DLG2: variants seen among roughly 807,000 people sequenced by gnomAD.
DLG2 encodes the protein disks large homolog 2.
A neutral mutation model predicts 132.5 loss-of-function variants in DLG2; 45 were observed. The ratio of observed to expected loss-of-function variants is 0.34; its 90% CI spans 0.27 to 0.44. DLG2 has a LOEUF of 0.44. Among genes scored for constraint, DLG2 ranks in the 20% least tolerant of loss-of-function variants. The pLI is 1.00. For synonymous variants in DLG2, 424 were observed against 419.6 expected, an observed-to-expected ratio of 1.01 and a Z score of -0.13; for missense variants, 1,045 against 1,196.9, an observed-to-expected ratio of 0.87 and a Z score of 1.87.
intron 3 of DLG2, among the ~76,000 whole-genome samples, chr11:85,366,170 A>C (rs2152908079): frequency 6.6e-6 from 1 of 152,284 alleles, no homozygotes; most frequent in South Asian, 2.1e-4. Context: ...AATTCTAAGA[A>C]AGGCACATTT....
At chr11:84,487,507 T>C (rs1031483115) in intron 7 of DLG2, among the ~76,000 whole-genome samples, 5 of 152,220 alleles carry the variant, frequency 3.3e-5, no homozygotes, top group African/African-American at 1.2e-4. Flanking sequence ...AGTTCTAAAA[T>C]AATATAAAGT....
chr11:85,405,373 T>G (rs2088624712), intron 3 of DLG2, among the ~76,000 whole-genome samples: 1 of 152,024 alleles, frequency 6.6e-6, no homozygotes, highest in Non-Finnish European at 1.5e-5. Context: ...TTCTGTGAGT[T>G]ATTTGTTTAA....
chr11:85,164,608 T>G (rs1357469140), intron 4 of DLG2, among the ~76,000 whole-genome samples: 2 of 152,174 alleles, frequency 1.3e-5, no homozygotes, highest in African/African-American at 2.4e-5. Context: ...AATCTATTTC[T>G]GACTTTCTCC....
Position 84,624,051 on chromosome 11 carries a change from C to G in DLG2, c.358-89320G>C, listed in dbSNP as rs779625889. ...TGCTTACTAGAATAATGAACCATAACAGAAAATCTTTGAATAATGTAGGAT... is the reference window on the plus strand; with the variant it reads ...TGCTTACTAGAATAATGAACCATAAGAGAAAATCTTTGAATAATGTAGGAT... On this transcript the variant is annotated intron_variant, in intron 6 of 27. Coordinates refer to ENST00000376104, the MANE Select transcript of DLG2 (RefSeq NM_001142699.3). 2.0e-5 allele frequency among the ~76,000 whole-genome samples: 3 copies of G among 152,258 alleles called. No individual in the cohort carries two copies. In the South Asian group the frequency reaches 6.2e-4, roughly 32 times the overall value.
At chr11:85,607,847 TG>T (rs1359493886) in intron 2 of DLG2, among the ~76,000 whole-genome samples, 1 of 152,218 alleles carries the variant, frequency 6.6e-6, no homozygotes, top group Non-Finnish European at 1.5e-5. Flanking sequence ...CCTCAGGGTA[TG>T]GCCCTCCACT....
At chr11:85,580,330 T>C (rs2153228726) in intron 3 of DLG2, among the ~76,000 whole-genome samples, 1 of 152,324 alleles carries the variant, frequency 6.6e-6, no homozygotes, top group East Asian at 1.9e-4. Flanking sequence ...TGCCAAATCA[T>C]GGCCCAGAAG....
intron 15 of DLG2, among the ~76,000 whole-genome samples, chr11:83,909,686 C>T (rs1394366904): frequency 1.3e-5 from 2 of 152,086 alleles, no homozygotes; most frequent in Non-Finnish European, 2.9e-5. Flanking sequence ...AATTAAATAT[C>T]TGAAAAAAGA....
intron 6 of DLG2, among the ~76,000 whole-genome samples, chr11:84,664,690 A>G (rs2099698095): frequency 6.6e-6 from 1 of 152,196 alleles, no homozygotes; most frequent in African/African-American, 2.4e-5. Flanking sequence ...TATATTCAAA[A>G]AATTGTATTG....
chr11:84,832,128 C>G (rs2079125105), intron 6 of DLG2, among the ~76,000 whole-genome samples: 1 of 151,616 alleles, frequency 6.6e-6, no homozygotes, highest in African/African-American at 2.4e-5. Context: ...TTCTTTTCTT[C>G]CTTTCTGTTT....
chr11:84,560,957 A>G (rs1291230074), intron 6 of DLG2, among the ~76,000 whole-genome samples: 2 of 152,110 alleles, frequency 1.3e-5, no homozygotes, highest in African/African-American at 4.8e-5. Context: ...GGTAGATACT[A>G]GGAATACAAT....
At chr11:84,523,401 G>A (rs1040008334) in intron 7 of DLG2, among the ~76,000 whole-genome samples, 5 of 152,160 alleles carry the variant, frequency 3.3e-5, no homozygotes, top group Non-Finnish European at 7.3e-5. Flanking sequence ...TGATTCTAAA[G>A]CCCATCTGCT....
chr11:83,662,844 G>T (rs954806127), intron 18 of DLG2, among the ~76,000 whole-genome samples: 1 of 152,178 alleles, frequency 6.6e-6, no homozygotes, highest in Admixed American at 6.5e-5. Flanking sequence ...AAGGCAAGTA[G>T]CAGACTGGCA....
rs1307098798 is a variant in DLG2, at chr11:84,593,362, C to A, written c.358-58631G>T. 2.6e-5 allele frequency among the ~76,000 whole-genome samples: 4 copies of A among 152,130 alleles called. No individual in the cohort carries two copies. The East Asian group carries it at 5.8e-4, about 22-fold the overall frequency. ...AGGCACACGTATGTATATTGCAGCA[C>A]TGTTCACAACAGCAAAGACTTGGGA... On this transcript the variant is annotated intron_variant, in intron 6 of 27. Coordinates refer to ENST00000376104, the MANE Select transcript of DLG2 (RefSeq NM_001142699.3).
intron 4 of DLG2, among the ~76,000 whole-genome samples, chr11:85,256,264 AG>A (rs1272158608): frequency 6.6e-6 from 1 of 152,190 alleles, no homozygotes; most frequent in Non-Finnish European, 1.5e-5. Context: ...GAACATCAAA[AG>A]GAGTTCGGCT....
chr11:84,631,873 A>G (rs1208294188), intron 6 of DLG2, among the ~76,000 whole-genome samples: 2 of 152,184 alleles, frequency 1.3e-5, no homozygotes, highest in Admixed American at 1.3e-4. Context: ...ACTTTGGACA[A>G]GTTGTTTAAC....
intron 6 of DLG2, among the ~76,000 whole-genome samples, chr11:84,877,400 A>G (rs1422831721): frequency 6.6e-6 from 1 of 151,428 alleles, no homozygotes; most frequent in Admixed American, 6.6e-5. Flanking sequence ...TAGGATAATT[A>G]GCTCTTCTTG....
intron 18 of DLG2, among the ~76,000 whole-genome samples, chr11:83,641,257 CCAAA>C (rs2066417134): frequency 6.6e-6 from 1 of 151,928 alleles, no homozygotes. Flanking sequence ...CTAGAAAATC[CCAAA>C]CAAATATACT....
chr11:84,147,182 A>T (rs975257694), intron 9 of DLG2, among the ~76,000 whole-genome samples: 4 of 151,948 alleles, frequency 2.6e-5, no homozygotes, highest in Admixed American at 2.0e-4. Flanking sequence ...AGAGGTTCGG[A>T]TCCATTGGGT....
In DLG2 at chr11:85,483,302, T is replaced by C. The variant is rs542403889; in HGVS notation, c.40+115355A>G. Reference sequence around the variant, plus strand: ...CGTTACAGGCCAAGAGAGAGTGAGATGATGTATTCAAAGTGCTGAAGTGTA... The same window carrying C: ...CGTTACAGGCCAAGAGAGAGTGAGACGATGTATTCAAAGTGCTGAAGTGTA... On this transcript the variant is annotated intron_variant, in intron 3 of 27. Transcript: ENST00000376104. Among the ~76,000 whole-genome samples, 6 of 151,846 alleles carry C rather than the reference T, an allele frequency of 4.0e-5. No homozygotes were observed. The South Asian group carries it at 1.3e-3, about 32-fold the overall frequency.
Sources: gnomAD v4.1 joint callset for allele counts (sites outside exome capture counted in the v4.1 genomes callset) on GRCh38, gnomAD v4.1.1 for gene constraint, MANE v1.5 for transcripts, NCBI Gene and HGNC (gene_info 2026-07-23, HGNC 2026-07-21) for gene names.